MACROD2: variants seen among roughly 807,000 people sequenced by gnomAD.
MACROD2 encodes the protein ADP-ribose glycohydrolase MACROD2.
MACROD2 carries 36 observed loss-of-function variants against 70.4 expected under a neutral mutation model. That is an observed-to-expected ratio of 0.51 (90% confidence interval 0.39 to 0.68). The LOEUF is 0.68. Ranked by LOEUF, MACROD2 falls within the 30% of genes least tolerant of loss-of-function variation. MACROD2 has a pLI of 0.00. For missense variants in MACROD2, 496 were observed against 538.4 expected, an observed-to-expected ratio of 0.92 and a Z score of 0.78; for synonymous variants, 172 against 178.8, an observed-to-expected ratio of 0.96 and a Z score of 0.30.
At chr20:15,859,181 T>A (rs549695795) in intron 8 of MACROD2, among the ~76,000 whole-genome samples, 1 of 152,276 alleles carries the variant, frequency 6.6e-6, no homozygotes, top group East Asian at 1.9e-4. Flanking sequence ...ATAAAGGTCT[T>A]CATCCTTATT....
At chr20:15,891,280 A>G (rs2147220108) in intron 10 of MACROD2, among the ~76,000 whole-genome samples, 1 of 152,326 alleles carries the variant, frequency 6.6e-6, no homozygotes, top group African/African-American at 2.4e-5. Context: ...GCAGTGATTG[A>G]GGAACACAAA....
At position 15,048,621 on chromosome 20, in the gene MACROD2, G is replaced by C. The variant is rs1471996637; in HGVS notation, c.419-181319G>C. Among the ~76,000 whole-genome samples the C allele has an allele frequency of 4.6e-5, 7 of 152,152 alleles. No individual in the cohort carries two copies. In the East Asian group the frequency reaches 1.4e-3, roughly 29 times the overall value. On this transcript the variant is annotated intron_variant, in intron 5 of 17. Transcript: ENST00000684519. ...CTATGCAATCAGATAAACTTCTCCA[G>C]TAATGAACTATAGAAACGATTCCTG...
At chr20:15,421,890 G>C (rs2046233394) in intron 6 of MACROD2, among the ~76,000 whole-genome samples, 1 of 152,236 alleles carries the variant, frequency 6.6e-6, no homozygotes, top group African/African-American at 2.4e-5. Flanking sequence ...CTAAGCAATA[G>C]AGAGTAATTT....
chr20:14,682,205 T>C (rs2070940521), intron 4 of MACROD2, among the ~76,000 whole-genome samples: 1 of 152,126 alleles, frequency 6.6e-6, no homozygotes. Flanking sequence ...GGAAATCCTA[T>C]TTTCATTATC....
intron 8 of MACROD2, among the ~76,000 whole-genome samples, chr20:15,537,879 A>G (rs1367132045): frequency 6.6e-6 from 1 of 152,154 alleles, no homozygotes; most frequent in Non-Finnish European, 1.5e-5. Context: ...AAGGCATCTT[A>G]GAGTTTTGCC....
chr20:14,647,035 G>A (rs1034359817), intron 4 of MACROD2, among the ~76,000 whole-genome samples: 2 of 152,100 alleles, frequency 1.3e-5, no homozygotes, highest in Non-Finnish European at 2.9e-5. Flanking sequence ...TTTTTATCAA[G>A]CTGGCACACC....
At chr20:14,553,902 G>GT in intron 4 of MACROD2, among the ~76,000 whole-genome samples, 1 of 152,198 alleles carries the variant, frequency 6.6e-6, no homozygotes, top group Admixed American at 6.5e-5. Flanking sequence ...TCTGAGCATG[G>GT]TTTTCCATTT....
intron 8 of MACROD2, among the ~76,000 whole-genome samples, chr20:15,609,415 T>A (rs1470118673): frequency 1.3e-5 from 2 of 152,226 alleles, no homozygotes; most frequent in African/African-American, 4.8e-5. Flanking sequence ...TTCCTCTCCA[T>A]TAGCTCACAG....
intron 7 of MACROD2, among the ~76,000 whole-genome samples, chr20:15,436,310 G>A (rs1040815390): frequency 6.6e-6 from 1 of 152,114 alleles, no homozygotes; most frequent in East Asian, 1.9e-4. Flanking sequence ...GCAAGGAAGA[G>A]CAAGTCACGT....
Position 14,388,889 on chromosome 20 carries a change from C to A in MACROD2, c.272-104590C>A, listed in dbSNP as rs561776998. Among the ~76,000 whole-genome samples, 5 of 152,062 alleles carry A rather than the reference C, an allele frequency of 3.3e-5. No individual in the cohort carries two copies. The East Asian group carries it at 9.7e-4, about 30-fold the overall frequency. ...GAGAGAGAGAGCAGTTTTTGTTTTT[C>A]ATTTTTGAGATAGAGTCTCATTCTA... is the stretch of plus-strand genomic sequence containing the variant. On this transcript the variant is annotated intron_variant, in intron 3 of 17. Coordinates refer to ENST00000684519, the MANE Select transcript of MACROD2 (RefSeq NM_001351661.2).
At chr20:14,552,950 C>T (rs1978760870) in intron 4 of MACROD2, among the ~76,000 whole-genome samples, 1 of 152,070 alleles carries the variant, frequency 6.6e-6, no homozygotes, top group Non-Finnish European at 1.5e-5. Flanking sequence ...TTTATAAACA[C>T]AGTGAACTTA....
At chr20:15,133,905 C>CTTTTT (rs11467185) in intron 5 of MACROD2, among the ~76,000 whole-genome samples, 1 of 111,298 alleles carries the variant, frequency 9.0e-6, no homozygotes, top group Non-Finnish European at 1.8e-5. Context: ...TTTAAATAAT[C>CTTTTT]TTTTTTTTTT....
At chr20:15,236,041 A>G (rs2077011203) in intron 6 of MACROD2, among the ~76,000 whole-genome samples, 1 of 152,226 alleles carries the variant, frequency 6.6e-6, no homozygotes, top group African/African-American at 2.4e-5. Flanking sequence ...AGTAACAAGA[A>G]CAAAGGCACT....
At chr20:15,616,445 A>T (rs753119115) in intron 8 of MACROD2, among the ~76,000 whole-genome samples, 91 of 152,152 alleles carry the variant, frequency 6.0e-4, no homozygotes, top group Non-Finnish European at 1.9e-4. Flanking sequence ...ATATCAAAGA[A>T]GAAGTTCAAA....
At chr20:15,633,710 G>T (rs1183960911) in intron 8 of MACROD2, among the ~76,000 whole-genome samples, 1 of 151,838 alleles carries the variant, frequency 6.6e-6, no homozygotes, top group Non-Finnish European at 1.5e-5. Context: ...TAATTTTCTG[G>T]GTTTACACAT....
chr20:14,886,026 G>C (rs1457602047), intron 5 of MACROD2, among the ~76,000 whole-genome samples: 1 of 152,128 alleles, frequency 6.6e-6, no homozygotes, highest in Non-Finnish European at 1.5e-5. Context: ...CAATAAACAA[G>C]AAAATAGGTA....
intron 5 of MACROD2, among the ~76,000 whole-genome samples, chr20:15,011,103 C>T (rs966330083): frequency 3.9e-5 from 6 of 152,214 alleles, no homozygotes; most frequent in African/African-American, 1.4e-4. Flanking sequence ...CAAGCCCTTT[C>T]ACCTCTACTT....
intron 3 of MACROD2, among the ~76,000 whole-genome samples, chr20:14,320,246 CT>C (rs1169706585): frequency 6.6e-6 from 1 of 152,114 alleles, no homozygotes; most frequent in Non-Finnish European, 1.5e-5. Context: ...CAATATTCTA[CT>C]TTTTTTACTG....
chr20:15,070,345 T>C (rs1202159810), intron 5 of MACROD2, among the ~76,000 whole-genome samples: 1 of 152,144 alleles, frequency 6.6e-6, no homozygotes, highest in African/African-American at 2.4e-5. Context: ...TTTGAGTTAA[T>C]GCTGGAATGA....
Sources: allele counts gnomAD v4.1 joint callset (sites outside exome capture counted in the v4.1 genomes callset), GRCh38; gene constraint gnomAD v4.1.1; transcripts MANE v1.5; gene names NCBI Gene and HGNC (gene_info 2026-07-23, HGNC 2026-07-21).